Variants in SCFD2 observed in about 807,000 individuals in gnomAD.
The protein encoded by SCFD2 is sec1 family domain containing 2.
SCFD2 carries 54 observed loss-of-function variants against 58.9 expected under a neutral mutation model. That is an observed-to-expected ratio of 0.92 (90% CI 0.74 to 1.15). SCFD2 has a LOEUF of 1.15. SCFD2 is among the 50% of genes most tolerant of loss of function. SCFD2 has a pLI of 0.00. For missense variants in SCFD2, 805 were observed against 836.6 expected (o/e 0.96, Z 0.47); for synonymous variants, 321 against 335.9 (o/e 0.96, Z 0.49).
intron 2 of SCFD2, among the ~76,000 whole-genome samples, chr4:53,313,968 C>A (rs1475372965): frequency 2.0e-5 from 3 of 151,494 alleles, no homozygotes; most frequent in Admixed American, 6.6e-5. Context: ...ACAATAAAAT[C>A]AAGTGAAAAA....
intron 1 of SCFD2, among the ~76,000 whole-genome samples, chr4:53,357,129 G>T (rs1734424309): frequency 6.6e-6 from 1 of 151,970 alleles, no homozygotes; most frequent in Non-Finnish European, 1.5e-5. Context: ...TTGAATGAAG[G>T]AATTATTTCA....
intron 5 of SCFD2, among the ~76,000 whole-genome samples, chr4:53,062,353 CA>C (rs1232446642): frequency 4.0e-5 from 6 of 151,362 alleles, no homozygotes; most frequent in Non-Finnish European, 2.9e-5. Context: ...GCCTGGGCTA[CA>C]GAGACTCCGT....
chr4:53,193,770 T>C (rs895037183), intron 4 of SCFD2, among the ~76,000 whole-genome samples: 1 of 152,242 alleles, frequency 6.6e-6, no homozygotes, highest in South Asian at 2.1e-4. Context: ...TTTTTGTTTC[T>C]ATCACCGTTG....
chr4:53,255,917 C>T (rs1450841749), intron 4 of SCFD2, among the ~76,000 whole-genome samples: 20 of 144,178 alleles, frequency 1.4e-4, no homozygotes, highest in African/African-American at 4.3e-4. Flanking sequence ...TAGGGGCGGC[C>T]GGGCAGAGGC....
chr4:52,986,791 G>A (rs1238162137), intron 5 of SCFD2, among the ~76,000 whole-genome samples: 13 of 151,190 alleles, frequency 8.6e-5, no homozygotes, highest in African/African-American at 1.2e-4. Context: ...GAGCCACTGC[G>A]CTCGGCATGG....
intron 3 of SCFD2, among the ~76,000 whole-genome samples, chr4:53,306,618 C>A (rs538951450): frequency 2.3e-4 from 35 of 152,274 alleles, no homozygotes; most frequent in African/African-American, 7.5e-4. Context: ...AAGCACTAAG[C>A]CACCCACTGT....
At chr4:53,276,444 A>G (rs931946249) in intron 3 of SCFD2, among the ~76,000 whole-genome samples, 1 of 152,144 alleles carries the variant, frequency 6.6e-6, no homozygotes, top group African/African-American at 2.4e-5. Context: ...ATACATTTAT[A>G]GTTTCATTTA....
chr4:53,277,014 GTTGT>G (rs1028131998), intron 3 of SCFD2, among the ~76,000 whole-genome samples: 1 of 151,954 alleles, frequency 6.6e-6, no homozygotes, highest in Non-Finnish European at 1.5e-5. Flanking sequence ...TTTTAATTAG[GTTGT>G]TTGTTTTCTT....
chr4:53,229,068 G>T (rs567416342), intron 4 of SCFD2, among the ~76,000 whole-genome samples: 1 of 152,220 alleles, frequency 6.6e-6, no homozygotes, highest in Non-Finnish European at 1.5e-5. Context: ...TACAAGGGAT[G>T]TGAAGGACCT....
chr4:53,027,278 TC>T (rs1722499822), intron 5 of SCFD2, among the ~76,000 whole-genome samples: 1 of 151,710 alleles, frequency 6.6e-6, no homozygotes, highest in South Asian at 2.1e-4. Context: ...TTGGCCACAG[TC>T]TGATGCACCT....
chr4:53,286,669 G>A (rs1731677761), intron 3 of SCFD2, among the ~76,000 whole-genome samples: 1 of 152,166 alleles, frequency 6.6e-6, no homozygotes, highest in Non-Finnish European at 1.5e-5. Context: ...AGCTTTGGCT[G>A]AGCTGTGGCA....
intron 4 of SCFD2, among the ~76,000 whole-genome samples, chr4:53,255,790 C>T (rs1220944005): frequency 7.4e-5 from 11 of 148,224 alleles, no homozygotes; most frequent in Non-Finnish European, 1.2e-4. Flanking sequence ...TAGGGGCGGC[C>T]GGGCAGAGGC....
At chr4:53,246,267 G>A (rs976423040) in intron 4 of SCFD2, among the ~76,000 whole-genome samples, 1 of 152,128 alleles carries the variant, frequency 6.6e-6, no homozygotes, top group Non-Finnish European at 1.5e-5. Flanking sequence ...TGGGTATACT[G>A]CCCAAAGCAA....
intron 5 of SCFD2, among the ~76,000 whole-genome samples, chr4:52,976,878 T>C (rs1215665084): frequency 6.6e-6 from 1 of 152,174 alleles, no homozygotes; most frequent in Non-Finnish European, 1.5e-5. Flanking sequence ...TTCCACCATT[T>C]ACTAGCTGGA....
At chr4:53,118,456 T>G (rs965510903) in intron 5 of SCFD2, among the ~76,000 whole-genome samples, 2 of 152,218 alleles carry the variant, frequency 1.3e-5, no homozygotes, top group Non-Finnish European at 2.9e-5. Flanking sequence ...CAAAGAGAGA[T>G]AAATCAAATA....
chr4:53,255,115 C>T (rs1730557953), intron 4 of SCFD2, among the ~76,000 whole-genome samples: 1 of 151,260 alleles, frequency 6.6e-6, no homozygotes, highest in Non-Finnish European at 1.5e-5. Context: ...TCGTGATCTG[C>T]CCGCCTTGGC....
At chr4:53,127,076 G>A (rs1292638372) in intron 5 of SCFD2, among the ~76,000 whole-genome samples, 2 of 152,156 alleles carry the variant, frequency 1.3e-5, no homozygotes, top group Non-Finnish European at 2.9e-5. Context: ...CAAAACTTCA[G>A]AATTTAAAAA....
In SCFD2 at chr4:53,156,625, G is replaced by A. The variant is rs559548772; in HGVS notation, c.1312-11043C>T. Among the ~76,000 whole-genome samples, 3 of 152,280 alleles carry A rather than the reference G, an allele frequency of 2.0e-5. No individual in the cohort carries two copies. The East Asian group carries it at 5.8e-4, about 29-fold the overall frequency. On this transcript the variant is annotated intron_variant, in intron 4 of 8. Coordinates refer to ENST00000401642, the MANE Select transcript of SCFD2 (RefSeq NM_152540.4). The stretch of plus-strand genomic sequence containing the variant: ...AGGCAGGAGAATGGCATGAACCCAG[G>A]AGGCGGAGCTTGCCGTGAGCCGAGA...
chr4:53,076,877 G>A (rs1259857683), intron 5 of SCFD2, among the ~76,000 whole-genome samples: 1 of 152,114 alleles, frequency 6.6e-6, no homozygotes, highest in Admixed American at 6.6e-5. Context: ...AGAACTTGGA[G>A]AAAATATGCT....
Sources: allele counts gnomAD v4.1 joint callset (sites outside exome capture counted in the v4.1 genomes callset), GRCh38; gene constraint gnomAD v4.1.1; transcripts MANE v1.5; gene names NCBI Gene and HGNC (gene_info 2026-07-23, HGNC 2026-07-21).